FNDC3B: variants seen among roughly 807,000 people sequenced by gnomAD.
FNDC3B encodes fibronectin type III domain-containing protein 3B.
Under a neutral mutation model 151.5 loss-of-function variants are expected in FNDC3B, and 12 were observed. The observed-to-expected ratio is 0.08, with a 90% CI of 0.05 to 0.13. The LOEUF (loss-of-function observed/expected upper bound fraction) is 0.13. Ranked by LOEUF, FNDC3B falls within the 10% of genes least tolerant of loss-of-function variation. The pLI, the probability that FNDC3B is intolerant of heterozygous loss-of-function variation, is 1.00. For missense variants in FNDC3B, 1,214 were observed against 1,505.3 expected (o/e 0.81, Z 3.20); for synonymous variants, 528 against 549.0 (o/e 0.96, Z 0.54).
rs535470615 is a variant in FNDC3B at position 172,345,555 on chromosome 3, A to G, written c.2251-772A>G. 3.3e-5 allele frequency among the ~76,000 whole-genome samples: 5 copies of G among 152,216 alleles called. No homozygotes were observed. The East Asian group carries it at 9.6e-4, about 29-fold the overall frequency. ...TTCCCCAACTCCCCAGCATCTTTGC[A>G]TGTTATGTTGAGAGGTGGTTTTTTG... On this transcript the variant is annotated intron_variant, in intron 19 of 25. Coordinates refer to ENST00000415807, the MANE Select transcript of FNDC3B (RefSeq NM_022763.4).
At position 172,048,543 on chromosome 3, in the gene FNDC3B, C is replaced by T. The variant is rs545479424; in HGVS notation, c.-29+8772C>T. ...GATAAAGCTACTGTGGAAAACAGTT[C>T]TGTAGTTCATAAATATTTACACATA... is the stretch of plus-strand genomic sequence containing the variant. On this transcript the variant is annotated intron_variant, in intron 1 of 25. Coordinates refer to ENST00000415807, the MANE Select transcript of FNDC3B (RefSeq NM_022763.4). 3.3e-5 allele frequency among the ~76,000 whole-genome samples: 5 copies of T among 152,194 alleles called. No homozygotes were observed. The East Asian group carries it at 9.6e-4, about 29-fold the overall frequency.
At chr3:172,289,673 G>A (rs912789570) in intron 7 of FNDC3B, among the ~76,000 whole-genome samples, 1 of 152,196 alleles carries the variant, frequency 6.6e-6, no homozygotes, top group Admixed American at 6.5e-5. Context: ...CCCCTTAATA[G>A]ATCTTTGCTG....
At position 172,216,403 on chromosome 3, in the gene FNDC3B, G is replaced by C. The variant is rs371583279; in HGVS notation, c.188-10468G>C. On this transcript the variant is annotated intron_variant, in intron 3 of 25. Coordinates refer to ENST00000415807, the MANE Select transcript of FNDC3B (RefSeq NM_022763.4). Reference sequence around the variant, plus strand: ...TTTAACTGGCTGGGCACAGTAACTCGCACCTGTAATCTCTGCCCTTTGGGA... The same window carrying C: ...TTTAACTGGCTGGGCACAGTAACTCCCACCTGTAATCTCTGCCCTTTGGGA... Among the ~76,000 whole-genome samples, 3 of 152,200 alleles carry C rather than the reference G, an allele frequency of 2.0e-5. No individual in the cohort carries two copies. The South Asian group carries it at 6.2e-4, about 32-fold the overall frequency.
chr3:172,128,225 C>T (rs552838014), intron 2 of FNDC3B, among the ~76,000 whole-genome samples: 1 of 152,272 alleles, frequency 6.6e-6, no homozygotes, highest in African/African-American at 2.4e-5. Flanking sequence ...TGGATTCAGG[C>T]TTCAGGTAGG....
chr3:172,370,094 G>A (rs1022058506), intron 23 of FNDC3B, among the ~76,000 whole-genome samples: 1 of 152,172 alleles, frequency 6.6e-6, no homozygotes, highest in Non-Finnish European at 1.5e-5. Context: ...GCAGGTTAGA[G>A]CATTTTGAGG....
In FNDC3B at chr3:172,292,865, G is replaced by A. The variant is rs142828238; in HGVS notation, c.850-2498G>A. ...GTTGGAAATGCTGTCTTAAAATCTA[G>A]GTAGAGAAACAACACACAAATAACC... On this transcript the variant is annotated intron_variant, in intron 7 of 25. Transcript: ENST00000415807. Among the ~76,000 whole-genome samples the A allele has an allele frequency of 1.1e-3, 163 of 152,268 alleles. 3 individuals carry two copies. The highest frequency in any genetic ancestry group is 3.7e-3 in the African/African-American group (154 of 41,540).
chr3:172,217,992 G>A (rs1382222844), intron 3 of FNDC3B, among the ~76,000 whole-genome samples: 1 of 152,062 alleles, frequency 6.6e-6, no homozygotes, highest in East Asian at 1.9e-4. Context: ...AGTGATATAC[G>A]TTAAGATTTT....
intron 23 of FNDC3B, among the ~76,000 whole-genome samples, chr3:172,370,603 T>C (rs549169313): frequency 2.8e-4 from 42 of 152,350 alleles, no homozygotes; most frequent in African/African-American, 9.4e-4. Flanking sequence ...TAGAGAGTTA[T>C]GTGACTTGTT....
intron 1 of FNDC3B, among the ~76,000 whole-genome samples, chr3:172,048,177 G>C (rs1237942133): frequency 6.6e-6 from 1 of 152,018 alleles, no homozygotes; most frequent in African/African-American, 2.4e-5. Flanking sequence ...GTCTACTTAG[G>C]GGTCAGATTT....
At chr3:172,045,887 T>A (rs1716345582) in intron 1 of FNDC3B, among the ~76,000 whole-genome samples, 1 of 151,936 alleles carries the variant, frequency 6.6e-6, no homozygotes, top group Admixed American at 6.6e-5. Context: ...TTATTGTGGC[T>A]AGATAGGGGC....
intron 1 of FNDC3B, among the ~76,000 whole-genome samples, chr3:172,042,228 A>G (rs1716121683): frequency 6.6e-6 from 1 of 152,206 alleles, no homozygotes; most frequent in Non-Finnish European, 1.5e-5. Flanking sequence ...GACTTTATAA[A>G]TAGCTCACAT....
At chr3:172,212,990 T>G (rs941503322) in intron 3 of FNDC3B, among the ~76,000 whole-genome samples, 21 of 152,228 alleles carry the variant, frequency 1.4e-4, no homozygotes, top group African/African-American at 5.1e-4. Flanking sequence ...TACATGTATT[T>G]TCTGGTTGTG....
intron 2 of FNDC3B, among the ~76,000 whole-genome samples, chr3:172,128,421 C>T (rs531479614): frequency 6.6e-6 from 1 of 152,306 alleles, no homozygotes; most frequent in East Asian, 1.9e-4. Flanking sequence ...GGGCTCAAAA[C>T]ACAAATACTG....
chr3:172,165,236 C>T (rs1722953026), intron 3 of FNDC3B, among the ~76,000 whole-genome samples: 1 of 152,136 alleles, frequency 6.6e-6, no homozygotes, highest in South Asian at 2.1e-4. Flanking sequence ...TCTCAAACTT[C>T]TGACCTCAAG....
chr3:172,309,295 T>C (rs1731346064), intron 10 of FNDC3B, among the ~76,000 whole-genome samples: 1 of 152,156 alleles, frequency 6.6e-6, no homozygotes, highest in African/African-American at 2.4e-5. Flanking sequence ...GCACTAAAGA[T>C]CTGACATCTT....
At chr3:172,094,767 A>G (rs530662874) in intron 1 of FNDC3B, among the ~76,000 whole-genome samples, 1 of 148,166 alleles carries the variant, frequency 6.7e-6, no homozygotes, top group East Asian at 2.0e-4. Context: ...TCTGTTCCCC[A>G]TCTCTTATGG....
intron 16 of FNDC3B, among the ~76,000 whole-genome samples, chr3:172,340,441 A>G (rs1044561056): frequency 6.6e-6 from 1 of 152,046 alleles, no homozygotes; most frequent in South Asian, 2.1e-4. Flanking sequence ...GCCCACCACC[A>G]TGCCCAGCTA....
At chr3:172,237,358 T>C (rs2108755752) in intron 4 of FNDC3B, 1 of 152,410 alleles carries the variant, frequency 6.6e-6, no homozygotes, top group South Asian at 2.1e-4. Flanking sequence ...GGCCGGAGGA[T>C]TGCTTGAGCC....
chr3:172,312,749 A>G (rs1731581223), intron 11 of FNDC3B, among the ~76,000 whole-genome samples: 1 of 152,118 alleles, frequency 6.6e-6, no homozygotes, highest in Non-Finnish European at 1.5e-5. Context: ...AAAAAAGTTG[A>G]ATACATACCT....
Sources: gnomAD v4.1 joint callset for allele counts (sites outside exome capture counted in the v4.1 genomes callset) on GRCh38, gnomAD v4.1.1 for gene constraint, MANE v1.5 for transcripts, NCBI Gene and HGNC (gene_info 2026-07-23, HGNC 2026-07-21) for gene names.